ESYT2: variants seen among roughly 807,000 people sequenced by gnomAD.
ESYT2 encodes the protein extended synaptotagmin-2.
A neutral mutation model predicts 107.2 loss-of-function variants in ESYT2; 54 were observed. That is an observed-to-expected ratio of 0.50 (90% CI 0.40 to 0.63). The LOEUF (loss-of-function observed/expected upper bound fraction) is 0.63. Among genes scored for constraint, ESYT2 ranks in the 30% least tolerant of loss-of-function variants. The pLI is 0.00. For synonymous variants in ESYT2, 491 were observed against 434.1 expected, an observed-to-expected ratio of 1.13 and a Z score of -1.63; for missense variants, 1,020 against 1,094.5, an observed-to-expected ratio of 0.93 and a Z score of 0.96.
chr7:158,761,435 T>C, intron 11 of ESYT2, 61 bp downstream of exon 11: 1 of 1,523,538 alleles, frequency 6.6e-7, no homozygotes, highest in South Asian at 1.1e-5. Context: ...GTGGCTCCTC[T>C]GGCACAGGGC....
chr7:158,804,369 T>C (rs555288833), intron 1 of ESYT2, among the ~76,000 whole-genome samples: 261 of 73,076 alleles, frequency 3.6e-3, no homozygotes, highest in African/African-American at 9.1e-3. Flanking sequence ...ACCCAAACCG[T>C]TGAGAAGGGT....
Position 158,798,041 on chromosome 7 carries a change from A to G in ESYT2, c.408T>C (p.Phe136=). ...VKHMWPFICQ[F]IEKLFRETIE... ...TAGTTTCTCGAAACAACTTCTCTAT[A>G]AATTGGCAAATGAAAGGCCACATGT... is the stretch of plus-strand genomic sequence containing the variant. Residue 136 remains phenylalanine (F), a synonymous_variant, in exon 3 of 23, where the codon TTT becomes TTC. Transcript: ENST00000275418. The G allele has an allele frequency of 6.2e-7, 1 of 1,614,156 alleles. No individual in the cohort carries two copies. Among genetic ancestry groups the G allele is most frequent in the Non-Finnish European group, 8.5e-7 (1 of 1,180,028 alleles).
chr7:158,788,280 T>A, intron 5 of ESYT2, 65 bp downstream of exon 5: 1 of 1,467,720 alleles, frequency 6.8e-7, no homozygotes, highest in South Asian at 1.3e-5. Context: ...CTAATTTTAT[T>A]TTTGAATACA....
chr7:158,782,043 AC>A (rs1169186639), intron 6 of ESYT2, among the ~76,000 whole-genome samples: 1 of 150,364 alleles, frequency 6.7e-6, no homozygotes, highest in Non-Finnish European at 1.5e-5. Context: ...AAGAACGAGA[AC>A]AAGTGTGAGT....
intron 16 of ESYT2, among the ~76,000 whole-genome samples, chr7:158,746,239 C>CACACAT (rs771240918): frequency 6.9e-6 from 1 of 144,848 alleles, no homozygotes; most frequent in African/African-American, 2.6e-5. Flanking sequence ...GACACACACA[C>CACACAT]ACACACACAC....
chr7:158,790,404 C>T (rs1017737115), intron 4 of ESYT2, among the ~76,000 whole-genome samples: 4 of 152,094 alleles, frequency 2.6e-5, no homozygotes, highest in Non-Finnish European at 5.9e-5. Context: ...TGTTGTGAGG[C>T]CCCACGTGGA....
chr7:158,739,196 C>T (rs1445109541), intron 18 of ESYT2, 75 bp from the exon 19 acceptor site: 7 of 1,243,122 alleles, frequency 5.6e-6, no homozygotes, highest in Admixed American at 2.2e-5. Context: ...CCACTGTACA[C>T]GATAAAATAA....
intron 7 of ESYT2, 43 bp downstream of exon 7, chr7:158,773,298 C>T (rs368106927): frequency 2.6e-5 from 42 of 1,608,010 alleles, no homozygotes; most frequent in African/African-American, 2.4e-4. Context: ...ATGCACAACA[C>T]GCCCTCGAAC....
intron 19 of ESYT2, among the ~76,000 whole-genome samples, chr7:158,738,329 ACACACACAC>A (rs1563614935): frequency 0.086 from 7,212 of 84,310 alleles, 367 homozygotes; most frequent in Non-Finnish European, 0.1. Flanking sequence ...AAAAAAAAAT[ACACACACAC>A]ACACAGACAC....
At chr7:158,758,135 A>T (rs2129472032) in intron 13 of ESYT2, among the ~76,000 whole-genome samples, 1 of 152,378 alleles carries the variant, frequency 6.6e-6, no homozygotes, top group African/African-American at 2.4e-5. Flanking sequence ...AAATCGGTCA[A>T]GAAAGCTTCA....
intron 6 of ESYT2, among the ~76,000 whole-genome samples, chr7:158,785,161 G>A (rs989031272): frequency 6.6e-6 from 1 of 152,114 alleles, no homozygotes; most frequent in Non-Finnish European, 1.5e-5. Flanking sequence ...GGTGGCTCAC[G>A]CCTGTAATCC....
chr7:158,788,479 G>A, intron 4 of ESYT2, 62 bp from the exon 5 acceptor site: 1 of 1,327,360 alleles, frequency 7.5e-7, no homozygotes, highest in Non-Finnish European at 1.1e-6. Context: ...AATCATTATA[G>A]ACCTGCAAGA....
At chr7:158,781,791 GAGTGTGAGAACAA>G (rs1373084429) in intron 6 of ESYT2, among the ~76,000 whole-genome samples, 1 of 152,060 alleles carries the variant, frequency 6.6e-6, no homozygotes, top group Non-Finnish European at 1.5e-5. Context: ...AAGTGTGAAC[GAGTGTGAGAACAA>G]AGTGTGAGAT....
intron 7 of ESYT2, among the ~76,000 whole-genome samples, chr7:158,770,552 T>C (rs1356109526): frequency 6.6e-6 from 1 of 151,712 alleles, no homozygotes; most frequent in African/African-American, 2.4e-5. Context: ...TCTCACTCTG[T>C]CGCCCAGGCT....
At chr7:158,770,763 C>T (rs1366078968) in intron 7 of ESYT2, among the ~76,000 whole-genome samples, 1 of 152,160 alleles carries the variant, frequency 6.6e-6, no homozygotes, top group Non-Finnish European at 1.5e-5. Flanking sequence ...GATCCACCTG[C>T]CTCGGCCTCC....
intron 17 of ESYT2, among the ~76,000 whole-genome samples, chr7:158,742,707 C>T (rs945777048): frequency 2.0e-5 from 3 of 152,352 alleles, no homozygotes; most frequent in Non-Finnish European, 4.4e-5. Flanking sequence ...CCTTGTAAAT[C>T]ACTCCACTCA....
chr7:158,748,144 A>G, intron 16 of ESYT2, 50 bp downstream of exon 16: 1 of 1,566,340 alleles, frequency 6.4e-7, no homozygotes. Flanking sequence ...GTATACTTTA[A>G]AAAGTCAATT....
intron 1 of ESYT2, among the ~76,000 whole-genome samples, chr7:158,826,955 G>A (rs1161052647): frequency 6.6e-6 from 1 of 151,706 alleles, no homozygotes; most frequent in Non-Finnish European, 1.5e-5. Context: ...ACAAGGTCAG[G>A]AGTTTGAGAC....
chr7:158,815,021 G>C (rs912139599), intron 1 of ESYT2, among the ~76,000 whole-genome samples: 9 of 152,210 alleles, frequency 5.9e-5, no homozygotes, highest in Non-Finnish European at 5.9e-5. Flanking sequence ...GACATTAGCA[G>C]AGCTTGTTTC....
Sources: allele counts gnomAD v4.1 joint callset (sites outside exome capture counted in the v4.1 genomes callset), GRCh38; gene constraint gnomAD v4.1.1; transcripts MANE v1.5; gene names NCBI Gene and HGNC (gene_info 2026-07-23, HGNC 2026-07-21).